The following PCDH15 variants were observed in gnomAD, a reference collection of about 807,000 sequenced individuals.
PCDH15 encodes protocadherin related 15.
In PCDH15, 129 loss-of-function variants were observed where a neutral mutation model predicts 178.5. The ratio of observed to expected loss-of-function variants is 0.72; its 90% confidence interval spans 0.63 to 0.84. PCDH15 has a LOEUF of 0.84. Ranked by LOEUF, PCDH15 falls within the 40% of genes least tolerant of loss-of-function variation. The probability of loss-of-function intolerance (pLI) is 0.00; values close to 1 mark genes in which losing one functional copy is unlikely to be tolerated. For missense variants in PCDH15, 2,230 were observed against 2,099.9 expected (o/e 1.06, Z -1.21); for synonymous variants, 800 against 732.0 (o/e 1.09, Z -1.50).
intron 1 of PCDH15, among the ~76,000 whole-genome samples, chr10:55,178,017 G>A (rs1465542556): frequency 2.0e-5 from 3 of 152,066 alleles, no homozygotes; most frequent in Non-Finnish European, 4.4e-5. Context: ...TTAAGCAAAG[G>A]GAAAGCAGTT....
chr10:55,031,080 A>G (rs990897089), intron 2 of PCDH15, among the ~76,000 whole-genome samples: 1 of 152,150 alleles, frequency 6.6e-6, no homozygotes, highest in Non-Finnish European at 1.5e-5. Context: ...ATCCCAAACA[A>G]ATTGATGACA....
At chr10:54,251,684 G>A (rs981625333) in intron 8 of PCDH15, among the ~76,000 whole-genome samples, 6 of 152,038 alleles carry the variant, frequency 3.9e-5, no homozygotes, top group African/African-American at 1.4e-4. Flanking sequence ...ATTAACTGTG[G>A]AAATGCTTGT....
At chr10:55,511,052 T>G (rs948879376) in intron 2 of PCDH15, among the ~76,000 whole-genome samples, 7 of 144,400 alleles carry the variant, frequency 4.8e-5, no homozygotes, top group East Asian at 4.0e-4. Flanking sequence ...TGTTTGTTTG[T>G]TTTTTTTTTT....
intron 2 of PCDH15, among the ~76,000 whole-genome samples, chr10:54,580,316 T>G (rs2090919978): frequency 6.6e-6 from 1 of 151,848 alleles, no homozygotes; most frequent in Non-Finnish European, 1.5e-5. Flanking sequence ...ACCGAAAAGA[T>G]CCTGAGAATA....
At chr10:54,219,644 C>A (rs902416119) in intron 9 of PCDH15, among the ~76,000 whole-genome samples, 4 of 141,274 alleles carry the variant, frequency 2.8e-5, no homozygotes, top group Non-Finnish European at 6.2e-5. Context: ...TCAATCCCAA[C>A]GTGTGAACTT....
At chr10:55,193,641 G>A (rs1840002035) in intron 1 of PCDH15, among the ~76,000 whole-genome samples, 1 of 151,820 alleles carries the variant, frequency 6.6e-6, no homozygotes, top group African/African-American at 2.4e-5. Context: ...ATTCTCATAT[G>A]CTAAGTTACA....
intron 21 of PCDH15, among the ~76,000 whole-genome samples, chr10:53,984,699 ATTTG>A (rs1017270779): frequency 6.6e-6 from 1 of 152,092 alleles, no homozygotes; most frequent in East Asian, 1.9e-4. Flanking sequence ...TTCAAGGCAT[ATTTG>A]TTTATTCATT....
At chr10:54,179,353 G>C (rs987570700) in intron 13 of PCDH15, among the ~76,000 whole-genome samples, 1 of 149,704 alleles carries the variant, frequency 6.7e-6, no homozygotes, top group Non-Finnish European at 1.5e-5. Flanking sequence ...CTCACTCATA[G>C]GTGGGAATTG....
chr10:55,523,678 C>A (rs1424331758), intron 2 of PCDH15, among the ~76,000 whole-genome samples: 1 of 151,568 alleles, frequency 6.6e-6, no homozygotes, highest in Admixed American at 6.6e-5. Flanking sequence ...TTCTGGTAAC[C>A]ATGATTTAAT....
At chr10:55,143,202 C>CT (rs11293437) in intron 2 of PCDH15, among the ~76,000 whole-genome samples, 1 of 151,248 alleles carries the variant, frequency 6.6e-6, no homozygotes, top group East Asian at 2.0e-4. Context: ...TCAATTAAAC[C>CT]TTTTTTTTTT....
At chr10:54,301,772 T>A (rs542556938) in intron 8 of PCDH15, among the ~76,000 whole-genome samples, 1 of 152,330 alleles carries the variant, frequency 6.6e-6, no homozygotes, top group East Asian at 1.9e-4. Context: ...ATTCCTAGCA[T>A]GTGGGGATGA....
intron 1 of PCDH15, among the ~76,000 whole-genome samples, chr10:55,192,437 G>A (rs1044996271): frequency 6.6e-6 from 1 of 151,666 alleles, no homozygotes; most frequent in Admixed American, 6.6e-5. Flanking sequence ...TATTCCACAC[G>A]GAGGAAACCG....
chr10:53,973,161 A>G (rs1261799314), intron 21 of PCDH15, among the ~76,000 whole-genome samples: 1 of 151,954 alleles, frequency 6.6e-6, no homozygotes, highest in Non-Finnish European at 1.5e-5. Context: ...TGAAGCTGGA[A>G]ACCATCATTC....
intron 3 of PCDH15, among the ~76,000 whole-genome samples, chr10:54,380,727 T>TATATACAC (rs1949120394): frequency 1.1e-5 from 1 of 91,456 alleles, no homozygotes; most frequent in African/African-American, 4.4e-5. Context: ...TATATATATA[T>TATATACAC]ATATATATAT....
At chr10:54,566,347 A>G (rs928743380) in intron 2 of PCDH15, among the ~76,000 whole-genome samples, 2 of 152,036 alleles carry the variant, frequency 1.3e-5, no homozygotes, top group Non-Finnish European at 2.9e-5. Flanking sequence ...CATCATTATC[A>G]CTCAAATACT....
Position 54,067,319 on chromosome 10 carries a change from A to G in PCDH15, c.2092-434T>C, listed in dbSNP as rs2094154731. On this transcript the variant is annotated intron_variant, in intron 17 of 37. Transcript: ENST00000644397. ...AGTACATTATAAAATAGCATGGTAC[A>G]TCAAATGAGCATTTTCTGGAAAGCT... Among the ~76,000 whole-genome samples the G allele has an allele frequency of 2.6e-5, 4 of 152,308 alleles. No individual in the cohort carries two copies. The South Asian group carries it at 8.3e-4, about 32-fold the overall frequency.
At chr10:54,233,842 T>C (rs1564746172) in intron 9 of PCDH15, among the ~76,000 whole-genome samples, 2 of 152,328 alleles carry the variant, frequency 1.3e-5, no homozygotes, top group East Asian at 3.9e-4. Flanking sequence ...GCTTTTCCTT[T>C]AAAGACTTTT....
intron 2 of PCDH15, among the ~76,000 whole-genome samples, chr10:55,008,193 A>G (rs927822543): frequency 8.5e-5 from 13 of 152,064 alleles, no homozygotes; most frequent in Admixed American, 3.3e-4. Flanking sequence ...TGAGAACTGG[A>G]TAATTTAGGC....
intron 19 of PCDH15, among the ~76,000 whole-genome samples, chr10:54,021,429 T>C (rs531069096): frequency 3.5e-4 from 53 of 152,218 alleles, no homozygotes; most frequent in African/African-American, 1.2e-3. Context: ...TGGTTTTTCC[T>C]GCTTAAAATC....
Sources: gnomAD v4.1 joint callset for allele counts (sites outside exome capture counted in the v4.1 genomes callset) on GRCh38, gnomAD v4.1.1 for gene constraint, MANE v1.5 for transcripts, NCBI Gene and HGNC (gene_info 2026-07-23, HGNC 2026-07-21) for gene names.